Variants in WDFY4 observed in about 807,000 individuals in gnomAD.
WDFY4 encodes the protein WDFY family member 4, also known as WD repeat- and FYVE domain-containing protein 4.
In WDFY4, 169 loss-of-function variants were observed where a neutral mutation model predicts 351.9. The ratio of observed to expected loss-of-function variants is 0.48; its 90% CI spans 0.42 to 0.55. The LOEUF (loss-of-function observed/expected upper bound fraction) is 0.55. WDFY4 is among the 20% of genes least tolerant of loss of function. The pLI, the probability that WDFY4 is intolerant of heterozygous loss-of-function variation, is 0.00. For missense variants in WDFY4, 3,803 were observed against 3,935.6 expected (o/e 0.97, Z 0.90); for synonymous variants, 1,622 against 1,574.6 (o/e 1.03, Z -0.71).
intron 57 of WDFY4, among the ~76,000 whole-genome samples, chr10:48,970,904 A>G (rs1842308732): frequency 6.6e-6 from 1 of 152,200 alleles, no homozygotes; most frequent in South Asian, 2.1e-4. Context: ...CAGCCCTCAT[A>G]GAGAATGCTA....
intron 13 of WDFY4, among the ~76,000 whole-genome samples, chr10:48,767,834 T>C (rs2065720565): frequency 6.6e-6 from 1 of 152,150 alleles, no homozygotes; most frequent in African/African-American, 2.4e-5. Flanking sequence ...ATTTCACCTT[T>C]TGGGGGTGGG....
Position 48,826,993 on chromosome 10 carries a change from A to C in WDFY4, c.6221+84A>C. 4 of 1,104,104 alleles carry C rather than the reference A, an allele frequency of 3.6e-6. No homozygotes were observed. In the South Asian group the frequency reaches 5.9e-5, roughly 16 times the overall value. 68.4% of individuals were successfully genotyped at this position (1,104,104 alleles called of 1,614,324 possible). A position where few individuals can be genotyped will look rare whatever the true frequency, so the allele number is the denominator to read the frequency against. On this transcript the variant is annotated intron_variant, in intron 36 of 61. Transcript: ENST00000325239. ...TAGAGGAAAGCTTGATTGAGGACTGAGTTCTGTATAAATGATATCATCCTT... is the reference window on the plus strand; with the variant it reads ...TAGAGGAAAGCTTGATTGAGGACTGCGTTCTGTATAAATGATATCATCCTT...
intron 19 of WDFY4, 75 bp from the exon 20 acceptor site, chr10:48,786,564 G>A: frequency 8.8e-7 from 1 of 1,132,980 alleles, no homozygotes; most frequent in Non-Finnish European, 1.2e-6. Context: ...GATGCATCAT[G>A]TTATATCACT....
intron 9 of WDFY4, among the ~76,000 whole-genome samples, chr10:48,732,300 A>T (rs1044799199): frequency 2.7e-5 from 4 of 150,838 alleles, no homozygotes; most frequent in Non-Finnish European, 5.9e-5. Flanking sequence ...AAGTGTGGAA[A>T]CTCCTTCCCC....
At chr10:48,886,566 C>T (rs1284925872) in intron 43 of WDFY4, among the ~76,000 whole-genome samples, 2 of 152,348 alleles carry the variant, frequency 1.3e-5, no homozygotes, top group Non-Finnish European at 2.9e-5. Flanking sequence ...TGCATGCTCA[C>T]TTCCAGCTTC....
rs796166984 is a variant in WDFY4, at chr10:48,787,807, C to CTCCTCCTCT, written c.3809-721_3809-720insCTCCTCTTC. Among the ~76,000 whole-genome samples, 487 of 76,746 alleles carry CTCCTCCTCT rather than the reference C, an allele frequency of 6.3e-3. 30 individuals are homozygous for CTCCTCCTCT. Among genetic ancestry groups the CTCCTCCTCT allele is most frequent in the Non-Finnish European group, 6.6e-3 (270 of 40,878 alleles). 50.3% of individuals were successfully genotyped at this position (76,746 alleles called of 152,430 possible). On this transcript the variant is annotated intron_variant, in intron 20 of 61. Transcript: ENST00000325239. ...CCTCTTCCTCCTCCTCCTCCTCCTC[C>CTCCTCCTCT]TCTTCTTCTTCTTCTTCTTCTTCTT...
chr10:48,901,756 G>A lies in WDFY4; in HGVS notation c.7524-45G>A. On this transcript the variant is annotated intron_variant, in intron 46 of 61. Transcript: ENST00000325239. Reference sequence around the variant, plus strand: ...GAAATGCCTCTGCAGCAGGAGAAAGGGTCTTGACTCTGCTGATGGAATTAT... The same window carrying A: ...GAAATGCCTCTGCAGCAGGAGAAAGAGTCTTGACTCTGCTGATGGAATTAT... 5 of 1,538,916 alleles carry A rather than the reference G, an allele frequency of 3.2e-6. 1 individual carries two copies. The highest frequency in any genetic ancestry group is 1.2e-5 in the South Asian group (1 of 83,816).
intron 47 of WDFY4, among the ~76,000 whole-genome samples, chr10:48,904,920 A>AGGGTGTCAGCAAAAGC (rs1225641996): frequency 3.3e-5 from 5 of 152,294 alleles, no homozygotes; most frequent in Non-Finnish European, 4.4e-5. Context: ...GTGAGCACTA[A>AGGGTGTCAGCAAAAGC]GGGTGTCAGC....
chr10:48,729,662 C>A lies in WDFY4; in HGVS notation c.1129+73C>A, dbSNP rs561455419. On this transcript the variant is annotated intron_variant, in intron 8 of 61. Transcript: ENST00000325239. ...CTGAGAAGGCTACAGAGGGTCTTCT[C>A]CTGATTCTTTGTGTACCTTTCAATG... 1,028 of 1,509,292 alleles carry A rather than the reference C, an allele frequency of 6.8e-4. 1 individual carries two copies. Among genetic ancestry groups the A allele is most frequent in the Non-Finnish European group, 8.6e-4 (967 of 1,122,816 alleles). The allele number at this position is 1,509,292 out of a possible 1,614,324, so 93.5% of individuals were successfully genotyped here.
chr10:48,775,129 A>C (rs981715587), intron 14 of WDFY4, among the ~76,000 whole-genome samples: 15 of 152,224 alleles, frequency 9.9e-5, no homozygotes, highest in African/African-American at 3.1e-4. Flanking sequence ...CAGCCTCTAC[A>C]TGAAGCCACA....
At position 48,725,986 on chromosome 10, in the gene WDFY4, T is replaced by C. The variant is rs1250783501; in HGVS notation, c.697T>C (p.Cys233Arg). ...CACGACCTGCCTTCGGGAGCACAGCTGCTGCTTCTGGAAGGAACCCACCTT... is the reference window on the plus strand; with the variant it reads ...CACGACCTGCCTTCGGGAGCACAGCCGCTGCTTCTGGAAGGAACCCACCTT... ...IATTCLREHS[C>R]CFWKEPTFCV... The change falls in exon 6 of 62, where the codon TGC becomes CGC. Residue 233 changes from cysteine to arginine, a missense_variant. Physicochemically the swap from Cys to Arg is radical, Grantham distance 180 (BLOSUM62 -3). Coordinates refer to ENST00000325239, the MANE Select transcript of WDFY4 (RefSeq NM_001394531.1). 2 of 1,551,656 alleles carry C rather than the reference T, an allele frequency of 1.3e-6. No homozygotes were observed. Among genetic ancestry groups the C allele is most frequent in the Non-Finnish European group, 1.7e-6 (2 of 1,147,024 alleles).
intron 43 of WDFY4, among the ~76,000 whole-genome samples, chr10:48,883,073 G>T (rs1443810511): frequency 3.9e-5 from 6 of 152,218 alleles, no homozygotes; most frequent in African/African-American, 1.2e-4. Flanking sequence ...TCCCTCAGCA[G>T]CCGGCTGTTA....
chr10:48,916,084 A>C (rs552946711), intron 47 of WDFY4, among the ~76,000 whole-genome samples: 1 of 152,342 alleles, frequency 6.6e-6, no homozygotes, highest in African/African-American at 2.4e-5. Context: ...ATGCACAGAG[A>C]AGCACTCTGG....
intron 1 of WDFY4, among the ~76,000 whole-genome samples, chr10:48,700,679 G>A (rs1189759098): frequency 6.6e-6 from 1 of 152,250 alleles, no homozygotes; most frequent in Non-Finnish European, 1.5e-5. Context: ...CCACCTGGGG[G>A]TGGGAGTGTG....
rs770273820 is a variant in WDFY4 at position 48,776,937 on chromosome 10, C to T, written c.3051C>T (p.Ala1017=). The T allele has an allele frequency of 5.2e-6, 8 of 1,552,204 alleles. No individual in the cohort carries two copies. Among genetic ancestry groups the T allele is most frequent in the Non-Finnish European group, 7.0e-6 (8 of 1,147,134 alleles). The change falls in exon 16 of 62, where the codon GCC becomes GCT. Residue 1017 remains alanine (A), a synonymous_variant. Transcript: ENST00000325239. ...SPRNLQPQRA[A]LAPSFVEFDM... ...GCAACCTGCAGCCTCAGAGGGCAGC[C>T]CTGGCCCCATCGTTTGTGGAATTTG...
intron 13 of WDFY4, among the ~76,000 whole-genome samples, chr10:48,768,723 A>AGAGAGAGAGAGAGAGAGAGAGAGAGAG (rs1555000834): frequency 7.1e-6 from 1 of 140,978 alleles, no homozygotes; most frequent in African/African-American, 2.7e-5. Context: ...GGGAGAGGAG[A>AGAGAGAGAGAGAGAGAGAGAGAGAGAG]AGAGAGAGAG....
intron 47 of WDFY4, among the ~76,000 whole-genome samples, chr10:48,907,613 G>A (rs768091694): frequency 4.6e-5 from 7 of 152,128 alleles, no homozygotes; most frequent in Admixed American, 2.6e-4. Flanking sequence ...ATGAGAATAT[G>A]ACCTTCCATG....
chr10:48,869,140 G>T (rs528104590), intron 40 of WDFY4, among the ~76,000 whole-genome samples: 14 of 152,246 alleles, frequency 9.2e-5, no homozygotes, highest in Non-Finnish European at 1.9e-4. Flanking sequence ...ATCTGCCATA[G>T]ATAATGGGAT....
chr10:48,821,265 T>C, intron 34 of WDFY4, 89 bp downstream of exon 34: 2 of 1,044,338 alleles, frequency 1.9e-6, no homozygotes, highest in Non-Finnish European at 1.4e-6. Context: ...GAACTGACCC[T>C]AGCTGTGGGA....
Sources: gnomAD v4.1 joint callset for allele counts (sites outside exome capture counted in the v4.1 genomes callset) on GRCh38, gnomAD v4.1.1 for gene constraint, MANE v1.5 for transcripts, NCBI Gene and HGNC (gene_info 2026-07-23, HGNC 2026-07-21) for gene names.